The following RAP1GAP2 variants were observed in gnomAD, a reference collection of about 807,000 sequenced individuals.
RAP1GAP2 encodes RAP1 GTPase activating protein 2.
In RAP1GAP2, 27 loss-of-function variants were observed where a neutral mutation model predicts 95.0. The observed-to-expected ratio is 0.28, with a 90% CI of 0.21 to 0.39. The LOEUF (loss-of-function observed/expected upper bound fraction) is 0.39, where lower values mean the gene tolerates loss of function less well. RAP1GAP2 is among the 10% of genes least tolerant of loss of function. The pLI is 1.00. For synonymous variants in RAP1GAP2, 373 were observed against 380.9 expected (o/e 0.98, Z 0.24); for missense variants, 771 against 970.0 (o/e 0.79, Z 2.72).
At chr17:2,882,265 T>C (rs2073332685) in intron 2 of RAP1GAP2, among the ~76,000 whole-genome samples, 1 of 151,558 alleles carries the variant, frequency 6.6e-6, no homozygotes, top group Admixed American at 6.6e-5. Context: ...TAGCTGGGAT[T>C]ACAGGTGTGC....
Position 2,891,514 on chromosome 17 carries a change from G to A in RAP1GAP2, c.81-13770G>A, listed in dbSNP as rs144948785. ...CCCCTCCCTACCCTCCCCCATCTCC[G>A]CCAAGCTTGCATCCATCAGATAACC... is the stretch of plus-strand genomic sequence containing the variant. On this transcript the variant is annotated intron_variant, in intron 2 of 24. Transcript: ENST00000254695. 9.1e-3 allele frequency among the ~76,000 whole-genome samples: 1,313 copies of A among 144,780 alleles called. 17 individuals are homozygous for A. Among genetic ancestry groups the A allele is most frequent in the African/African-American group, 0.031 (1,224 of 39,046 alleles). 95.0% of individuals were successfully genotyped at this position (144,780 alleles called of 152,430 possible).
At chr17:2,885,097 G>A (rs542525398) in intron 2 of RAP1GAP2, among the ~76,000 whole-genome samples, 2 of 139,684 alleles carry the variant, frequency 1.4e-5, no homozygotes, top group African/African-American at 5.5e-5. Flanking sequence ...ACAGTGGCAC[G>A]ATCTCGGCTC....
rs576256558 is a variant in RAP1GAP2 at position 2,844,997 on chromosome 17, A to G, written c.80+44447A>G. ...TTCTGCAGTCCACGGGGTGGTCCCC[A>G]GGAGGTTGAATGAAAGAATCAGTGT... On this transcript the variant is annotated intron_variant, in intron 2 of 24. Transcript: ENST00000254695. Among the ~76,000 whole-genome samples, 5 of 152,312 alleles carry G rather than the reference A, an allele frequency of 3.3e-5. No individual in the cohort carries two copies. The East Asian group carries it at 9.6e-4, about 29-fold the overall frequency.
chr17:2,815,903 G>A (rs1166306722), intron 2 of RAP1GAP2, among the ~76,000 whole-genome samples: 3 of 152,252 alleles, frequency 2.0e-5, no homozygotes, highest in African/African-American at 7.2e-5. Context: ...CCGGGACCCA[G>A]GCCTCCCTGC....
intron 17 of RAP1GAP2, among the ~76,000 whole-genome samples, chr17:3,013,871 G>C (rs934238825): frequency 6.6e-6 from 1 of 151,984 alleles, no homozygotes; most frequent in Non-Finnish European, 1.5e-5. Flanking sequence ...TGTCCTCTCT[G>C]CATCTCAGAA....
Position 2,763,328 on chromosome 17 carries a change from C to T in RAP1GAP2, c.51-7001C>T, listed in dbSNP as rs184556059. ...ATTTCAGAGATGGATCAGATACAGC[C>T]TTTGTACTTCAGCAGTGAGACAGAC... On this transcript the variant is annotated intron_variant, in intron 1 of 25. Transcript: ENST00000637138. Among the ~76,000 whole-genome samples the T allele has an allele frequency of 1.9e-3, 293 of 152,272 alleles. 1 individual carries two copies. The highest frequency in any genetic ancestry group is 3.3e-3 in the Non-Finnish European group (227 of 68,024).
chr17:2,864,747 CG>C (rs768059654), intron 2 of RAP1GAP2, among the ~76,000 whole-genome samples: 1 of 152,190 alleles, frequency 6.6e-6, no homozygotes, highest in Non-Finnish European at 1.5e-5. Flanking sequence ...GGCAGCCTAG[CG>C]GGGCGCCCTG....
At chr17:2,847,077 C>T (rs571079970) in intron 2 of RAP1GAP2, among the ~76,000 whole-genome samples, 45 of 152,318 alleles carry the variant, frequency 3.0e-4, no homozygotes, top group Non-Finnish European at 2.2e-4. Context: ...GGCGCGATCT[C>T]GGCTCACTGC....
intron 4 of RAP1GAP2, 81 bp from the exon 5 acceptor site, chr17:2,962,589 C>A (rs1269846585): frequency 1.4e-6 from 2 of 1,421,884 alleles, no homozygotes; most frequent in Non-Finnish European, 1.9e-6. Flanking sequence ...TACTAACCCC[C>A]TGTAAGGCCA....
At chr17:2,812,851 G>T (rs754856843) in intron 2 of RAP1GAP2, among the ~76,000 whole-genome samples, 27 of 151,880 alleles carry the variant, frequency 1.8e-4, no homozygotes, top group Middle Eastern at 3.4e-3. Flanking sequence ...CTAGCCAGGC[G>T]TGGTGGTGGT....
chr17:2,894,503 G>T (rs1173571279), intron 2 of RAP1GAP2, among the ~76,000 whole-genome samples: 2 of 152,086 alleles, frequency 1.3e-5, no homozygotes, highest in African/African-American at 4.8e-5. Context: ...CCCTCCCGTG[G>T]CCTCAGCTTC....
chr17:2,826,804 G>A (rs545636936), intron 2 of RAP1GAP2, among the ~76,000 whole-genome samples: 81 of 152,204 alleles, frequency 5.3e-4, no homozygotes, highest in South Asian at 1.3e-3. Context: ...TCAAGAGATC[G>A]AGACCATCCT....
rs893583301 is a variant in RAP1GAP2, at chr17:3,037,172, G to T, written c.*3811G>T. On this transcript the variant is annotated 3_prime_UTR_variant, in exon 25 of 25. Coordinates refer to ENST00000254695, the MANE Select transcript of RAP1GAP2 (RefSeq NM_015085.5). ...CTCCCTCCCTTCAGCTGGACCGTGT[G>T]CCCCTTTGGGAGGAAGAAGACAAGC... The T allele has an allele frequency of 6.6e-6, 1 of 152,652 alleles. No individual in the cohort carries two copies. Among genetic ancestry groups the T allele is most frequent in the Admixed American group, 6.5e-5 (1 of 15,276 alleles). 9.5% of individuals were successfully genotyped at this position (152,652 alleles called of 1,614,324 possible). A position where few individuals can be genotyped will look rare whatever the true frequency, so the allele number is the denominator to read the frequency against.
intron 3 of RAP1GAP2, among the ~76,000 whole-genome samples, chr17:2,905,940 G>A (rs1171330722): frequency 6.6e-6 from 1 of 152,222 alleles, no homozygotes; most frequent in African/African-American, 2.4e-5. Context: ...GGAGCCGAGG[G>A]AGCAGTGCCC....
rs956926734 is a variant in RAP1GAP2, at chr17:2,827,638, T to G, written c.80+27088T>G. Among the ~76,000 whole-genome samples, 2 of 151,844 alleles carry G rather than the reference T, an allele frequency of 1.3e-5. No homozygotes were observed. Among genetic ancestry groups the G allele is most frequent in the Non-Finnish European group, 2.9e-5 (2 of 67,956 alleles). On this transcript the variant is annotated intron_variant, in intron 2 of 24. Coordinates refer to ENST00000254695, the MANE Select transcript of RAP1GAP2 (RefSeq NM_015085.5). The surrounding 1 kb of genome is among the most constrained non-coding windows in gnomAD (Gnocchi z 4.1). Reference sequence around the variant, plus strand: ...GCCTGGATAACATGGTGAAACCCCCTCTCTACTAAAAATACAAAAATTAGC... The same window carrying G: ...GCCTGGATAACATGGTGAAACCCCCGCTCTACTAAAAATACAAAAATTAGC...
chr17:2,773,145 A>G (rs1461061555), upstream of RAP1GAP2, among the ~76,000 whole-genome samples: 1 of 152,094 alleles, frequency 6.6e-6, no homozygotes, highest in Non-Finnish European at 1.5e-5. Context: ...GCCTCTTTAC[A>G]AAGAGCAAGA....
At chr17:2,991,600 C>T (rs1194198307) in intron 12 of RAP1GAP2, among the ~76,000 whole-genome samples, 3 of 152,146 alleles carry the variant, frequency 2.0e-5, no homozygotes, top group Admixed American at 6.5e-5. Flanking sequence ...CCCCTGAAGG[C>T]GTTCACGTTC....
intron 3 of RAP1GAP2, 106 bp from the exon 4 acceptor site, chr17:2,957,652 TG>T (rs1567822141): frequency 7.7e-7 from 1 of 1,290,370 alleles, no homozygotes; most frequent in Non-Finnish European, 1.1e-6. Flanking sequence ...ATTTTGTCCC[TG>T]GGGAAGCCCC....
chr17:2,977,446 A>G (rs1025665007), intron 8 of RAP1GAP2, among the ~76,000 whole-genome samples: 11 of 152,066 alleles, frequency 7.2e-5, no homozygotes, highest in South Asian at 2.1e-4. Context: ...TATTATACAA[A>G]CTATTTCAAA....
Sources: gnomAD v4.1 joint callset for allele counts (sites outside exome capture counted in the v4.1 genomes callset) on GRCh38, gnomAD v4.1.1 for gene constraint, Gnocchi (gnomAD v3.1) non-coding constraint, MANE v1.5 for transcripts, NCBI Gene and HGNC (gene_info 2026-07-23, HGNC 2026-07-21) for gene names.